The following TNRC6B variants were observed in gnomAD, a reference collection of about 807,000 sequenced individuals.
TNRC6B encodes the protein trinucleotide repeat-containing gene 6B protein.
A neutral mutation model predicts 203.6 loss-of-function variants in TNRC6B; 52 were observed. The ratio of observed to expected loss-of-function variants is 0.26; its 90% CI spans 0.20 to 0.32. The LOEUF (loss-of-function observed/expected upper bound fraction) is 0.32. Among genes scored for constraint, TNRC6B ranks in the 10% least tolerant of loss-of-function variants. The pLI, the probability that TNRC6B is intolerant of heterozygous loss-of-function variation, is 1.00. For missense variants in TNRC6B, 1,923 were observed against 2,286.2 expected (o/e 0.84, Z 3.24); for synonymous variants, 838 against 845.7 (o/e 0.99, Z 0.16).
At chr22:40,165,897 C>T (rs932558986) in intron 4 of TNRC6B, among the ~76,000 whole-genome samples, 2 of 152,148 alleles carry the variant, frequency 1.3e-5, no homozygotes, top group African/African-American at 4.8e-5. Flanking sequence ...AACTACAGTT[C>T]AAGATGAGAT....
intron 1 of TNRC6B, among the ~76,000 whole-genome samples, chr22:40,198,468 C>T (rs2069368718): frequency 6.6e-6 from 1 of 152,040 alleles, no homozygotes; most frequent in Admixed American, 6.6e-5. Context: ...CCAGGGGTAT[C>T]AGAGCCTGAG....
chr22:40,092,002 C>G (rs1391278442), intron 1 of TNRC6B, among the ~76,000 whole-genome samples: 1 of 152,110 alleles, frequency 6.6e-6, no homozygotes, highest in African/African-American at 2.4e-5. Flanking sequence ...TTACTTAGGA[C>G]TCAAATATGT....
At chr22:40,120,240 T>G (rs2068431402) in intron 2 of TNRC6B, among the ~76,000 whole-genome samples, 1 of 151,436 alleles carries the variant, frequency 6.6e-6, no homozygotes, top group Non-Finnish European at 1.5e-5. Flanking sequence ...TACCTGTAGT[T>G]CCAGCTACTT....
Position 40,171,404 on chromosome 22 carries a change from G to A in TNRC6B, c.113+15222G>A, listed in dbSNP as rs560916678. On this transcript the variant is annotated intron_variant, in intron 4 of 23. Coordinates refer to the TNRC6B transcript ENST00000301923. ...TCTCGATCTCCTGACCTTGTGATCC[G>A]CCTGCCTCGGCCTCCCAAAGTGCTG... 5.5e-4 allele frequency among the ~76,000 whole-genome samples: 84 copies of A among 151,918 alleles called. 1 individual carries two copies. The South Asian group carries it at 0.017, about 31-fold the overall frequency.
In TNRC6B at chr22:40,331,653, T is replaced by C. The variant is rs1359130621; in HGVS notation, c.*8412T>C. On this transcript the variant is annotated 3_prime_UTR_variant, in exon 23 of 23. Transcript: ENST00000454349. Reference sequence around the variant, plus strand: ...TAAGAAGAGGTTGTTGGATTTTTTTTTTTTTTTTTTTTTTTTTCAAAAAAA... The same window carrying C: ...TAAGAAGAGGTTGTTGGATTTTTTTCTTTTTTTTTTTTTTTTTCAAAAAAA... The C allele has an allele frequency of 1.6e-5, 5 of 320,994 alleles. No homozygotes were observed. Among genetic ancestry groups the C allele is most frequent in the Non-Finnish European group, 2.9e-5 (5 of 175,326 alleles). The allele number at this position is 320,994 out of a possible 1,614,324, so 19.9% of individuals were successfully genotyped here.
chr22:40,252,833 C>G (rs542627333), intron 3 of TNRC6B, among the ~76,000 whole-genome samples: 2 of 152,274 alleles, frequency 1.3e-5, no homozygotes, highest in African/African-American at 4.8e-5. Context: ...AACATACTTT[C>G]TAGAAAAGGA....
chr22:40,265,293 G>C lies in TNRC6B; in HGVS notation c.1063G>C (p.Val355Leu). Reference protein sequence around the residue: ...EQQSKMENAGVNFVVSGREQA... With the variant: ...EQQSKMENAGLNFVVSGREQA... The stretch of plus-strand genomic sequence containing the variant: ...GCAGTCAAAGATGGAAAATGCGGGT[G>C]TTAATTTTGTTGTCTCTGGCAGAGA... The change falls in exon 5 of 23, where the codon GTT becomes CTT. Residue 355 changes from valine (V) to leucine (L), a missense_variant. Physicochemically the swap from Val to Leu is conservative, Grantham distance 32. This residue lies in a region of TNRC6B where 614 missense variants were observed against 587.7 expected (regional missense o/e 1.04). Coordinates refer to ENST00000454349, the MANE Select transcript of TNRC6B (RefSeq NM_001162501.2). The C allele has an allele frequency of 6.2e-7, 1 of 1,613,984 alleles. No homozygotes were observed. Among genetic ancestry groups the C allele is most frequent in the Non-Finnish European group, 8.5e-7 (1 of 1,179,896 alleles).
intron 12 of TNRC6B, among the ~76,000 whole-genome samples, chr22:40,289,106 C>T (rs1027453311): frequency 1.6e-4 from 24 of 151,904 alleles, no homozygotes; most frequent in Middle Eastern, 3.4e-3. Context: ...TGAGCCACCG[C>T]GCCCAGCCTA....
chr22:40,236,593 CAG>C (rs2069950698), intron 1 of TNRC6B, among the ~76,000 whole-genome samples: 1 of 152,102 alleles, frequency 6.6e-6, no homozygotes, highest in African/African-American at 2.4e-5. Context: ...CACAGGGTGT[CAG>C]GGATAGGTTT....
intron 1 of TNRC6B, among the ~76,000 whole-genome samples, chr22:40,244,629 C>A (rs2070079789): frequency 6.6e-6 from 1 of 152,158 alleles, no homozygotes; most frequent in African/African-American, 2.4e-5. Context: ...TGTTTGCAAA[C>A]CTGTTATTCA....
rs2071456097 is a variant in TNRC6B at position 40,330,723 on chromosome 22, C to T, written c.*7482C>T. The T allele has an allele frequency of 6.6e-6, 1 of 152,542 alleles. No homozygotes were observed. The highest frequency in any genetic ancestry group is 1.5e-5 in the Non-Finnish European group (1 of 68,028). The allele number at this position is 152,542 out of a possible 1,614,324, so 9.4% of individuals were successfully genotyped here. A position where few individuals can be genotyped will look rare whatever the true frequency, so the allele number is the denominator to read the frequency against. ...TTAAGTATAGTATTTCTGAATGTGC[C>T]TTTGTGAGTACAGAGACCGTCCGTT... is the stretch of plus-strand genomic sequence containing the variant. On this transcript the variant is annotated 3_prime_UTR_variant, in exon 23 of 23. Transcript: ENST00000454349.
In TNRC6B at chr22:40,321,397, T is replaced by C. The variant is rs922144176; in HGVS notation, c.5114+168T>C. The C allele has an allele frequency of 9.1e-6, 7 of 768,364 alleles. No homozygotes were observed. In the Admixed American group the frequency reaches 2.0e-4, roughly 21 times the overall value. The allele number at this position is 768,364 out of a possible 1,614,324, so 47.6% of individuals were successfully genotyped here. A position where few individuals can be genotyped will look rare whatever the true frequency, so the allele number is the denominator to read the frequency against. Reference sequence around the variant, plus strand: ...TGGAGAGTGTGGAGGTGCCGGGTCTTTTCCACCAAAGCTTGGATTGTCCTG... The same window carrying C: ...TGGAGAGTGTGGAGGTGCCGGGTCTCTTCCACCAAAGCTTGGATTGTCCTG... On this transcript the variant is annotated intron_variant, in intron 22 of 22. Transcript: ENST00000454349.
rs1476431594 is a variant in TNRC6B at position 40,238,586 on chromosome 22, G to A, written c.6-7429G>A. Among the ~76,000 whole-genome samples the A allele has an allele frequency of 3.3e-5, 5 of 151,870 alleles. No homozygotes were observed. In the East Asian group the frequency reaches 9.7e-4, roughly 30 times the overall value. On this transcript the variant is annotated intron_variant, in intron 1 of 22. Coordinates refer to ENST00000454349, the MANE Select transcript of TNRC6B (RefSeq NM_001162501.2). ...ACACCAATCTCACTGATTGACATTTGCCACTCCCTCTGTCTGGAATGTTCA... is the reference window on the plus strand; with the variant it reads ...ACACCAATCTCACTGATTGACATTTACCACTCCCTCTGTCTGGAATGTTCA...
At chr22:40,100,840 G>A (rs2068233521) in intron 1 of TNRC6B, among the ~76,000 whole-genome samples, 1 of 152,204 alleles carries the variant, frequency 6.6e-6, no homozygotes, top group African/African-American at 2.4e-5. Context: ...GTAGAGGGTT[G>A]TGGTATCAAA....
In TNRC6B at chr22:40,084,901, T is replaced by A. The variant is rs143042438; in HGVS notation, c.-120-32154T>A. Among the ~76,000 whole-genome samples the A allele has an allele frequency of 1.9e-3, 285 of 152,320 alleles. 2 individuals carry two copies. Among genetic ancestry groups the A allele is most frequent in the Middle Eastern group, 0.014 (4 of 294 alleles). ...CTAGCCAGCCTCCAAGATGGCCCAG[T>A]GGTCCTTGCCTCCTGGTATCATGCC... On this transcript the variant is annotated intron_variant, in intron 1 of 23. Transcript: ENST00000301923.
chr22:40,299,650 A>G (rs1249273999), intron 12 of TNRC6B, among the ~76,000 whole-genome samples: 2 of 152,178 alleles, frequency 1.3e-5, no homozygotes, highest in East Asian at 3.8e-4. Flanking sequence ...TGCTGGGATT[A>G]CAGGTGTGAG....
Position 40,323,125 on chromosome 22 carries a change from C to T in TNRC6B, c.5386C>T (p.Pro1796Ser). 1 of 1,613,324 alleles carries T rather than the reference C, an allele frequency of 6.2e-7. No homozygotes were observed. Among genetic ancestry groups the T allele is most frequent in the Non-Finnish European group, 8.5e-7 (1 of 1,179,600 alleles). ...DLAGASLWGP[P>S]NYSSSLWGVP... is the part of the protein sequence containing the mutation. ...TGCTGGCGCTTCATTGTGGGGGCCC[C>T]CAAACTATTCTTCTAGCTTATGGGG... Residue 1796 changes from proline (P) to serine (S), a missense_variant, in exon 23 of 23, where the codon CCA becomes TCA. Transcript: ENST00000454349.
chr22:40,192,417 A>G (rs1412574239), intron 1 of TNRC6B, among the ~76,000 whole-genome samples: 1 of 152,138 alleles, frequency 6.6e-6, no homozygotes, highest in Admixed American at 6.5e-5. Flanking sequence ...CGGGAGTTGG[A>G]GACAGCCTAG....
chr22:40,267,013 C>A lies in TNRC6B; in HGVS notation c.2783C>A (p.Pro928Gln). 6.2e-7 allele frequency: 1 copy of A among 1,603,750 alleles called. No individual in the cohort carries two copies. The highest frequency in any genetic ancestry group is 1.8e-4 in the Middle Eastern group (1 of 5,548). The stretch of plus-strand genomic sequence containing the variant: ...CCTCGAGAACCAAACCTGCCCACCC[C>A]AATGACCAGTAAATCGGCATCAGGT... ...PAPREPNLPTPMTSKSASVWS... is the reference protein window; with the variant it reads ...PAPREPNLPTQMTSKSASVWS... Residue 928 changes from proline (P) to glutamine (Q), a missense_variant, in exon 5 of 23, where the codon CCA becomes CAA. By Grantham distance (76) the Pro-to-Gln change is moderately conservative. This residue lies in a region of TNRC6B where 599 missense variants were observed against 656.5 expected (regional missense o/e 0.91). Transcript: ENST00000454349.
Sources: gnomAD v4.1 joint callset for allele counts (sites outside exome capture counted in the v4.1 genomes callset) on GRCh38, gnomAD v4.1.1 for gene constraint, gnomAD v4.1.1 regional missense constraint, MANE v1.5 for transcripts, NCBI Gene and HGNC (gene_info 2026-07-23, HGNC 2026-07-21) for gene names.